KANSL3: variants seen among roughly 807,000 people sequenced by gnomAD.
KANSL3 encodes NSL complex protein NSL3.
Under a neutral mutation model 89.2 loss-of-function variants are expected in KANSL3, and 16 were observed. That is an observed-to-expected ratio of 0.18 (90% CI 0.12 to 0.27). The LOEUF is 0.27. Among genes scored for constraint, KANSL3 ranks in the 10% least tolerant of loss-of-function variants. The probability of loss-of-function intolerance (pLI) is 1.00; values close to 1 mark genes in which losing one functional copy is unlikely to be tolerated. For synonymous variants in KANSL3, 385 were observed against 419.7 expected (o/e 0.92, Z 1.01); for missense variants, 879 against 1,110.6 (o/e 0.79, Z 2.96).
intron 17 of KANSL3, 122 bp from the exon 18 acceptor site, chr2:96,602,984 G>T: frequency 1.2e-6 from 1 of 803,610 alleles, no homozygotes; most frequent in Non-Finnish European, 2.0e-6. Context: ...TTGGACACCC[G>T]TCCTCAGAGA....
Position 96,595,485 on chromosome 2 carries a change from C to CGG in KANSL3, c.*125_*126insCC. On this transcript the variant is annotated 3_prime_UTR_variant, in exon 21 of 21. Transcript: ENST00000431828. ...TCTCTGAAGACAGTTGGCGGAGAGG[C>CGG]AAAAATGACTGTCTTAAACAGGTCT... is the stretch of plus-strand genomic sequence containing the variant. The CGG allele has an allele frequency of 1.0e-6, 1 of 955,330 alleles. No homozygotes were observed. The highest frequency in any genetic ancestry group is 1.7e-5 in the South Asian group (1 of 58,910). The allele number at this position is 955,330 out of a possible 1,614,324, so 59.2% of individuals were successfully genotyped here. A position where few individuals can be genotyped will look rare whatever the true frequency, so the allele number is the denominator to read the frequency against.
At chr2:96,597,399 G>A (rs1011888794) in intron 20 of KANSL3, among the ~76,000 whole-genome samples, 16 of 152,234 alleles carry the variant, frequency 1.1e-4, no homozygotes, top group Non-Finnish European at 1.2e-4. Flanking sequence ...AGCCCAGAAG[G>A]ATAGGTGATT....
At chr2:96,616,233 C>T (rs999193419) in intron 5 of KANSL3, among the ~76,000 whole-genome samples, 1 of 152,222 alleles carries the variant, frequency 6.6e-6, no homozygotes, top group African/African-American at 2.4e-5. Flanking sequence ...TTGTAACTCA[C>T]TCTAGAACTG....
chr2:96,619,598 A>AG (rs2070862375), intron 4 of KANSL3, 54 bp from the exon 5 acceptor site: 2 of 1,607,622 alleles, frequency 1.2e-6, no homozygotes, highest in Middle Eastern at 1.6e-4. Context: ...GTTAACAAGC[A>AG]GGGGGACAAG....
downstream of KANSL3, among the ~76,000 whole-genome samples, chr2:96,588,586 CCTTTT>C (rs1238492349): frequency 6.6e-6 from 1 of 151,754 alleles, no homozygotes; most frequent in African/African-American, 2.4e-5. Context: ...AATAGACTTC[CCTTTT>C]CTTTTCTTTT....
rs2067123847 is a variant in KANSL3 at position 96,601,143 on chromosome 2, C to CT, written c.2616+499dup. On this transcript the variant is annotated intron_variant, in intron 20 of 20. Transcript: ENST00000431828. ...TGTAGCCGGGCATGGTGGCGGGCGCCTGTAATCCCAGTTACTTGGGAGGCT... is the reference window on the plus strand; with the variant it reads ...TGTAGCCGGGCATGGTGGCGGGCGCCTTGTAATCCCAGTTACTTGGGAGGCT... 4 of 288,286 alleles carry CT rather than the reference C, an allele frequency of 1.4e-5. No individual in the cohort carries two copies. In the South Asian group the frequency reaches 5.4e-4, roughly 39 times the overall value. The allele number at this position is 288,286 out of a possible 1,614,324, so 17.9% of individuals were successfully genotyped here.
At chr2:96,587,426 C>T in the KANSL3 span, among the ~76,000 whole-genome samples, 1 of 152,176 alleles carries the variant, frequency 6.6e-6, no homozygotes, top group Non-Finnish European at 1.5e-5. Context: ...GCCAAAACTC[C>T]CACCTCCACC....
At chr2:96,603,900 T>C (rs894911220) in intron 17 of KANSL3, 17 of 176,076 alleles carry the variant, frequency 9.7e-5, no homozygotes, top group African/African-American at 3.5e-4. Flanking sequence ...TGAGCATCCA[T>C]GGATTTTGGT....
At chr2:96,608,190 A>G (rs1358445870) in intron 14 of KANSL3, among the ~76,000 whole-genome samples, 2 of 152,294 alleles carry the variant, frequency 1.3e-5, no homozygotes, top group Admixed American at 6.5e-5. Flanking sequence ...CACCCAATAC[A>G]TATGATTGGA....
In KANSL3 at chr2:96,631,351, G is replaced by A. The variant is rs767185136; in HGVS notation, c.347C>T (p.Ala116Val). 1.9e-6 allele frequency: 3 copies of A among 1,613,300 alleles called. No homozygotes were observed. The highest frequency in any genetic ancestry group is 2.5e-6 in the Non-Finnish European group (3 of 1,179,628). Residue 116 changes from alanine to valine, a missense_variant, in exon 3 of 21, where the codon GCC (alanine) becomes GTC (valine). Coordinates refer to ENST00000431828, the MANE Select transcript of KANSL3 (RefSeq NM_001115016.3). ...CTCCCAGTCCTCTGGTGGAGGAGGG[G>A]CATCTGCATCAGTCCTGGCAAAGAT... is the stretch of plus-strand genomic sequence containing the variant. ...HVIFARTDAD[A>V]PPPPEDWEEH... is the part of the protein sequence containing the mutation.
chr2:96,582,923 T>C, the KANSL3 span, among the ~76,000 whole-genome samples: 2 of 152,198 alleles, frequency 1.3e-5, no homozygotes, highest in African/African-American at 2.4e-5. Context: ...AACACACACA[T>C]GTGTAGTTTA....
At position 96,604,285 on chromosome 2, in the gene KANSL3, C is replaced by T. The variant is rs533700327; in HGVS notation, c.2114G>A (p.Arg705His). The T allele has an allele frequency of 6.2e-6, 10 of 1,609,978 alleles. No homozygotes were observed. Among genetic ancestry groups the T allele is most frequent in the East Asian group, 2.2e-5 (1 of 44,538 alleles). The part of the protein sequence containing the change: ...APSALHTLQS[R>H]LVATSPGSSL... ...GCTGCCAGGAGATGTGGCCACCAGG[C>T]GGCTCTGCAGTGTGTGCAAGGCACT... The change falls in exon 17 of 21, where the codon CGC becomes CAC. Residue 705 changes from arginine (R) to histidine (H), a missense_variant. Around this residue, in one of 6 missense-constraint regions of KANSL3, gnomAD observed 317 missense variants for 311.2 expected, o/e 1.02. Transcript: ENST00000431828.
At chr2:96,602,422 A>T in intron 18 of KANSL3, 84 bp from the exon 19 acceptor site, 1 of 1,007,096 alleles carries the variant, frequency 9.9e-7, no homozygotes, top group Non-Finnish European at 1.5e-6. Context: ...CATATTATTA[A>T]AGGCTAACAT....
intron 20 of KANSL3, chr2:96,601,069 T>C (rs2067111342): frequency 3.7e-6 from 1 of 268,148 alleles, no homozygotes; most frequent in South Asian, 1.4e-4. Flanking sequence ...AGTAGATCAC[T>C]TGAGGTCAGG....
chr2:96,619,277 T>A, intron 5 of KANSL3, 82 bp downstream of exon 5: 1 of 1,338,182 alleles, frequency 7.5e-7, no homozygotes, highest in Non-Finnish European at 1.0e-6. Context: ...ACCAGATAAT[T>A]ACTTTGCCTA....
intron 16 of KANSL3, 150 bp downstream of exon 16, chr2:96,604,629 A>G: frequency 2.4e-6 from 2 of 830,654 alleles, no homozygotes; most frequent in East Asian, 5.4e-5. Flanking sequence ...GGGTTGACTC[A>G]AAAGCAAGAC....
chr2:96,631,543 T>A, intron 2 of KANSL3, 61 bp from the exon 3 acceptor site: 2 of 1,543,880 alleles, frequency 1.3e-6, no homozygotes, highest in Non-Finnish European at 1.8e-6. Flanking sequence ...TTAACAATCA[T>A]CTGGTTGACA....
downstream of KANSL3, among the ~76,000 whole-genome samples, chr2:96,590,554 G>A (rs2066264637): frequency 6.6e-6 from 1 of 151,998 alleles, no homozygotes; most frequent in East Asian, 1.9e-4. Flanking sequence ...CTCCCAAAGT[G>A]CTGGGATTAC....
Position 96,631,374 on chromosome 2 carries a change from G to A in KANSL3, c.324C>T (p.Ile108=), listed in dbSNP as rs1253858331. 1 of 1,612,272 alleles carries A rather than the reference G, an allele frequency of 6.2e-7. No homozygotes were observed. Among genetic ancestry groups the A allele is most frequent in the Non-Finnish European group, 8.5e-7 (1 of 1,179,252 alleles). The part of the protein sequence containing the change: ...SVMNECERHV[I]FARTDADAPP... ...GGGCATCTGCATCAGTCCTGGCAAAGATGACATGCCGTTCACACTCATTCA... is the reference window on the plus strand; with the variant it reads ...GGGCATCTGCATCAGTCCTGGCAAAAATGACATGCCGTTCACACTCATTCA... The change falls in exon 3 of 21, where the codon ATC becomes ATT. Residue 108 remains isoleucine (I), a synonymous_variant. Coordinates refer to ENST00000431828, the MANE Select transcript of KANSL3 (RefSeq NM_001115016.3).
Sources: gnomAD v4.1 joint callset for allele counts (sites outside exome capture counted in the v4.1 genomes callset) on GRCh38, gnomAD v4.1.1 for gene constraint, gnomAD v4.1.1 regional missense constraint, MANE v1.5 for transcripts, NCBI Gene and HGNC (gene_info 2026-07-23, HGNC 2026-07-21) for gene names.